The following CFH variants were observed in gnomAD, a reference collection of about 807,000 sequenced individuals.
CFH encodes H factor 1 (complement).
CFH carries 53 observed loss-of-function variants against 147.3 expected under a neutral mutation model. That is an observed-to-expected ratio of 0.36 (90% CI 0.29 to 0.45). The LOEUF is 0.45. CFH is among the 20% of genes least tolerant of loss of function. The pLI, the probability that CFH is intolerant of heterozygous loss-of-function variation, is 1.00. For missense variants in CFH, 1,380 were observed against 1,498.0 expected (o/e 0.92, Z 1.30); for synonymous variants, 536 against 489.4 (o/e 1.10, Z -1.26).
At chr1:196,666,799 C>G (rs1305493475) in intron 1 of CFH, among the ~76,000 whole-genome samples, 1 of 113,184 alleles carries the variant, frequency 8.8e-6, no homozygotes, top group African/African-American at 4.5e-5. Flanking sequence ...AGCGAGACTC[C>G]GTCTCAAAAA....
rs565839962 is a variant in CFH at position 196,716,821 on chromosome 1, G to A, written c.1696+1052G>A. ...ACTGGATAGAATGCATTTTGAGAGG[G>A]CTTTGCAACTTTTGACTTGGACACA... On this transcript the variant is annotated intron_variant, in intron 11 of 21. Transcript: ENST00000367429. Among the ~76,000 whole-genome samples, 40 of 152,168 alleles carry A rather than the reference G, an allele frequency of 2.6e-4. 1 individual carries two copies. The highest frequency in any genetic ancestry group is 1.2e-3 in the Admixed American group (19 of 15,240).
intron 1 of CFH, among the ~76,000 whole-genome samples, chr1:196,666,625 C>G (rs956925635): frequency 6.8e-6 from 1 of 147,450 alleles, no homozygotes; most frequent in Non-Finnish European, 1.5e-5. Flanking sequence ...GGTGAAACAC[C>G]GTTTCTACTA....
intron 5 of CFH, 170 bp from the exon 6 acceptor site, chr1:196,679,453 T>G (rs1667576464): frequency 3.9e-6 from 2 of 512,666 alleles, no homozygotes; most frequent in Admixed American, 7.0e-5. Flanking sequence ...ATCAGAATTT[T>G]AACTTTCTTC....
rs1490877925 is a variant in CFH at position 196,726,513 on chromosome 1, G to T, written c.1917G>T (p.Gly639=). ...SCGPPPELLN[G]NVKEKTKEEY... is the part of the protein sequence containing the mutation. Reference sequence around the variant, plus strand: ...GTCCACCTCCTGAACTCCTCAATGGGAATGTTAAGGAAAAAACGAAAGAAG... The same window carrying T: ...GTCCACCTCCTGAACTCCTCAATGGTAATGTTAAGGAAAAAACGAAAGAAG... Residue 639 remains glycine, a synonymous_variant, in exon 13 of 22, where the codon GGG becomes GGT. Transcript: ENST00000367429. The T allele has an allele frequency of 1.2e-6, 2 of 1,612,758 alleles. No individual in the cohort carries two copies. Among genetic ancestry groups the T allele is most frequent in the Non-Finnish European group, 1.7e-6 (2 of 1,179,052 alleles).
chr1:196,701,653 G>A (rs1668451766), intron 9 of CFH: 3 of 339,710 alleles, frequency 8.8e-6, no homozygotes, highest in South Asian at 3.3e-5. Flanking sequence ...AAGCCAGGTC[G>A]AGGTCACTCT....
chr1:196,737,050 G>A (rs1189543555), intron 16 of CFH, 44 bp downstream of exon 16: 1 of 1,500,202 alleles, frequency 6.7e-7, no homozygotes, highest in South Asian at 1.1e-5. Context: ...TTCAAATGAG[G>A]TTAATATTCT....
In CFH at chr1:196,662,405, A is replaced by G. The variant is rs1666939476; in HGVS notation, c.58+10230A>G. Among the ~76,000 whole-genome samples, 3 of 152,204 alleles carry G rather than the reference A, an allele frequency of 2.0e-5. No individual in the cohort carries two copies. In the South Asian group the frequency reaches 6.2e-4, roughly 31 times the overall value. ...TACATGTTTGTATTTAAAACCATGT[A>G]AGGTAATATTTTTATTATTTTATAG... On this transcript the variant is annotated intron_variant, in intron 1 of 21. Transcript: ENST00000367429.
intron 1 of CFH, among the ~76,000 whole-genome samples, chr1:196,670,061 G>A (rs976013748): frequency 4.6e-5 from 7 of 152,192 alleles, no homozygotes; most frequent in Non-Finnish European, 1.5e-5. Flanking sequence ...TTCCCTATTG[G>A]ATTTCTGACT....
chr1:196,691,905 G>T (rs549873388), intron 9 of CFH, among the ~76,000 whole-genome samples: 6 of 151,798 alleles, frequency 4.0e-5, no homozygotes, highest in African/African-American at 1.4e-4. Context: ...ATTTTGTGTT[G>T]ATTTTATTCA....
intron 9 of CFH, among the ~76,000 whole-genome samples, chr1:196,696,673 C>G (rs1263696721): frequency 6.6e-6 from 1 of 152,146 alleles, no homozygotes; most frequent in Admixed American, 6.5e-5. Context: ...TTATATGGAA[C>G]CAAGAAAGAG....
At chr1:196,688,533 C>T (rs1667904990) in intron 7 of CFH, among the ~76,000 whole-genome samples, 1 of 152,056 alleles carries the variant, frequency 6.6e-6, no homozygotes, top group African/African-American at 2.4e-5. Context: ...TGCGCGGTAT[C>T]ATCAAAGAAA....
rs1442797171 is a variant in CFH at position 196,692,714 on chromosome 1, T to A, written c.1336+2475T>A. On this transcript the variant is annotated intron_variant, in intron 9 of 21. Transcript: ENST00000367429. ...TCTCTTTCCCTTCCTTTCTTTTTCT[T>A]TCTTTCTTTCTTTCTCTTTCCCTTC... 4.0e-5 allele frequency among the ~76,000 whole-genome samples: 6 copies of A among 149,504 alleles called. 2 individuals are homozygous for A. Among genetic ancestry groups the A allele is most frequent in the Non-Finnish European group, 8.9e-5 (6 of 67,424 alleles).
intron 20 of CFH, among the ~76,000 whole-genome samples, chr1:196,745,047 G>T (rs1216744010): frequency 2.0e-5 from 3 of 152,100 alleles, no homozygotes; most frequent in Non-Finnish European, 4.4e-5. Context: ...CATTTGAATT[G>T]TTGATCCCCT....
intron 15 of CFH, among the ~76,000 whole-genome samples, chr1:196,732,227 A>G (rs78377826): frequency 0.02 from 3,050 of 151,386 alleles, 96 homozygotes; most frequent in African/African-American, 0.07. Context: ...CAGTAATTTG[A>G]CTTCAAGTTC....
At chr1:196,736,795 AC>A in intron 15 of CFH, 28 bp from the exon 16 acceptor site, 1 of 1,081,848 alleles carries the variant, frequency 9.2e-7, no homozygotes, top group Non-Finnish European at 1.2e-6. Context: ...TTTTATTATA[AC>A]ATTAATTATA....
chr1:196,731,221 C>T (rs1448351959), intron 15 of CFH, among the ~76,000 whole-genome samples: 1 of 151,632 alleles, frequency 6.6e-6, no homozygotes, highest in Non-Finnish European at 1.5e-5. Context: ...TTCTTTTAAT[C>T]TTTTGTGTAT....
chr1:196,730,327 G>T (rs986467353), intron 15 of CFH, among the ~76,000 whole-genome samples: 1 of 151,046 alleles, frequency 6.6e-6, no homozygotes, highest in Non-Finnish European at 1.5e-5. Flanking sequence ...TATTTAAAAT[G>T]GTTTGACCCT....
chr1:196,741,067 C>T, intron 18 of CFH: 1 of 424,688 alleles, frequency 2.4e-6, no homozygotes, highest in Admixed American at 3.6e-5. Flanking sequence ...GCTGCCTCTA[C>T]TCATCAATCT....
intron 1 of CFH, among the ~76,000 whole-genome samples, chr1:196,657,597 G>A (rs1666748346): frequency 6.6e-6 from 1 of 151,954 alleles, no homozygotes; most frequent in Non-Finnish European, 1.5e-5. Context: ...CAAAGCCAAA[G>A]GATTATTGAA....
Sources: allele counts gnomAD v4.1 joint callset (sites outside exome capture counted in the v4.1 genomes callset), GRCh38; gene constraint gnomAD v4.1.1; transcripts MANE v1.5; gene names NCBI Gene and HGNC (gene_info 2026-07-23, HGNC 2026-07-21).